SLC7A14: variants seen among roughly 807,000 people sequenced by gnomAD.
SLC7A14 encodes the protein gamma-aminobutyric acid transporter SLC7A14.
Under a neutral mutation model 60.2 loss-of-function variants are expected in SLC7A14, and 37 were observed. The ratio of observed to expected loss-of-function variants is 0.61; its 90% CI spans 0.47 to 0.81. The LOEUF (loss-of-function observed/expected upper bound fraction) is 0.81, where lower values mean the gene tolerates loss of function less well. Among genes scored for constraint, SLC7A14 ranks in the 30% least tolerant of loss-of-function variants. SLC7A14 has a pLI of 0.00. For missense variants in SLC7A14, 886 were observed against 982.7 expected (o/e 0.90, Z 1.32); for synonymous variants, 399 against 395.8 (o/e 1.01, Z -0.10).
At chr3:170,485,389 C>G (rs866749418) in intron 5 of SLC7A14, among the ~76,000 whole-genome samples, 1 of 152,148 alleles carries the variant, frequency 6.6e-6, no homozygotes, top group African/African-American at 2.4e-5. Flanking sequence ...AGCAGCAGCA[C>G]CCCCCACTGC....
chr3:170,527,478 A>G (rs1238090876), intron 1 of SLC7A14, among the ~76,000 whole-genome samples: 1 of 152,212 alleles, frequency 6.6e-6, no homozygotes, highest in Non-Finnish European at 1.5e-5. Context: ...GCGTATGGAA[A>G]GTGCTCATCC....
chr3:170,471,394 CT>C (rs1162675191), intron 7 of SLC7A14, among the ~76,000 whole-genome samples: 3 of 152,186 alleles, frequency 2.0e-5, no homozygotes, highest in African/African-American at 7.2e-5. Context: ...GCTCCCTCCC[CT>C]GACCCCTTCT....
At chr3:170,538,297 A>C (rs1202728783) in intron 1 of SLC7A14, among the ~76,000 whole-genome samples, 1 of 152,032 alleles carries the variant, frequency 6.6e-6, no homozygotes, top group Non-Finnish European at 1.5e-5. Context: ...TGTTTTCTCT[A>C]TTCTCTGTAT....
intron 1 of SLC7A14, among the ~76,000 whole-genome samples, chr3:170,546,785 A>AT (rs1395911580): frequency 5.3e-5 from 8 of 151,822 alleles, no homozygotes; most frequent in East Asian, 3.9e-4. Context: ...GTCTCCAGTT[A>AT]TTTTTTTTCT....
At chr3:170,533,678 TG>T (rs1553872452) in intron 1 of SLC7A14, among the ~76,000 whole-genome samples, 235 of 147,488 alleles carry the variant, frequency 1.6e-3, no homozygotes, top group African/African-American at 4.9e-3. Context: ...TGTGTGTGTG[TG>T]GTGTGTGTGT....
chr3:170,559,658 A>T (rs2108309352), intron 1 of SLC7A14, among the ~76,000 whole-genome samples: 1 of 152,350 alleles, frequency 6.6e-6, no homozygotes, highest in South Asian at 2.1e-4. Context: ...AAAATTACTA[A>T]TTCTGATACC....
intron 1 of SLC7A14, among the ~76,000 whole-genome samples, chr3:170,581,978 T>C (rs1363219015): frequency 1.3e-5 from 2 of 152,192 alleles, no homozygotes; most frequent in Non-Finnish European, 2.9e-5. Context: ...AACTTGGATT[T>C]TGAATTGGAA....
chr3:170,477,560 C>G (rs978755278), intron 7 of SLC7A14, among the ~76,000 whole-genome samples: 2 of 152,194 alleles, frequency 1.3e-5, no homozygotes, highest in East Asian at 3.8e-4. Context: ...AAGCACGGTA[C>G]AAGTGCTCAT....
chr3:170,477,787 C>A (rs1711673402), intron 7 of SLC7A14, among the ~76,000 whole-genome samples: 2 of 152,212 alleles, frequency 1.3e-5, no homozygotes, highest in Admixed American at 6.5e-5. Flanking sequence ...CATTCATATG[C>A]TTTCTAATAC....
chr3:170,500,582 C>A (rs1256881221), intron 3 of SLC7A14, among the ~76,000 whole-genome samples: 1 of 151,854 alleles, frequency 6.6e-6, no homozygotes, highest in African/African-American at 2.4e-5. Flanking sequence ...TAGGCTGGAA[C>A]CCATTTTATT....
intron 1 of SLC7A14, among the ~76,000 whole-genome samples, chr3:170,561,213 TG>T (rs1714639085): frequency 6.6e-6 from 1 of 152,248 alleles, no homozygotes; most frequent in South Asian, 2.1e-4. Context: ...GTCAGCTCCC[TG>T]AGGACATGGC....
At chr3:170,508,277 A>C (rs980271245) in intron 2 of SLC7A14, among the ~76,000 whole-genome samples, 1 of 152,216 alleles carries the variant, frequency 6.6e-6, no homozygotes, top group African/African-American at 2.4e-5. Flanking sequence ...AAGAATTATG[A>C]GAGGGAGTGG....
intron 5 of SLC7A14, 34 bp from the exon 6 acceptor site, chr3:170,483,556 C>G: frequency 6.2e-7 from 1 of 1,612,294 alleles, no homozygotes; most frequent in African/African-American, 1.3e-5. Context: ...GCTGGAGGTA[C>G]AGGGGAAGAA....
chr3:170,505,148 C>A (rs574601524), intron 2 of SLC7A14, among the ~76,000 whole-genome samples: 2 of 152,088 alleles, frequency 1.3e-5, no homozygotes, highest in African/African-American at 4.8e-5. Flanking sequence ...TCCAGGACTG[C>A]AACAGCTGGG....
At chr3:170,496,871 T>C (rs1340411825) in intron 4 of SLC7A14, among the ~76,000 whole-genome samples, 1 of 151,946 alleles carries the variant, frequency 6.6e-6, no homozygotes, top group East Asian at 1.9e-4. Context: ...TCCTCTGACG[T>C]CCTGCCCAAG....
chr3:170,556,707 C>G lies in SLC7A14; in HGVS notation c.-153+29204G>C, dbSNP rs146246853. ...TTGAGTTGCTGTAAAAGCCTGTTTT[C>G]TACATGTGTATTTTATTAGCAGAAT... On this transcript the variant is annotated intron_variant, in intron 1 of 7. Coordinates refer to ENST00000231706, the MANE Select transcript of SLC7A14 (RefSeq NM_020949.3). Among the ~76,000 whole-genome samples, 751 of 152,282 alleles carry G rather than the reference C, an allele frequency of 4.9e-3. 6 individuals carry two copies. Among genetic ancestry groups the G allele is most frequent in the Non-Finnish European group, 8.1e-3 (552 of 68,016 alleles).
rs1031841157 is a variant in SLC7A14 at position 170,567,106 on chromosome 3, C to T, written c.-153+18805G>A. ...ATGTGCCATGCTGGTGTGCTGCACC[C>T]ATTAACTCATCATTTAGCATTAGGT... On this transcript the variant is annotated intron_variant, in intron 1 of 7. Coordinates refer to ENST00000231706, the MANE Select transcript of SLC7A14 (RefSeq NM_020949.3). Among the ~76,000 whole-genome samples the T allele has an allele frequency of 5.0e-3, 747 of 149,624 alleles. 34 individuals carry two copies. The highest frequency in any genetic ancestry group is 0.045 in the Admixed American group (680 of 15,018).
intron 1 of SLC7A14, among the ~76,000 whole-genome samples, chr3:170,563,640 C>G (rs999627470): frequency 2.0e-5 from 3 of 151,952 alleles, no homozygotes; most frequent in African/African-American, 7.2e-5. Flanking sequence ...AGGCTAGTCT[C>G]GAACTCCTGA....
chr3:170,539,647 T>C (rs1430418438), intron 1 of SLC7A14, among the ~76,000 whole-genome samples: 2 of 152,188 alleles, frequency 1.3e-5, no homozygotes, highest in African/African-American at 2.4e-5. Context: ...TATCTAATTA[T>C]AGATAAATTA....
Sources: gnomAD v4.1 joint callset for allele counts (sites outside exome capture counted in the v4.1 genomes callset) on GRCh38, gnomAD v4.1.1 for gene constraint, MANE v1.5 for transcripts, NCBI Gene and HGNC (gene_info 2026-07-23, HGNC 2026-07-21) for gene names.